Variants in PTPN21 observed in about 807,000 individuals in gnomAD.
PTPN21 encodes tyrosine-protein phosphatase non-receptor type 21.
Under a neutral mutation model 131.8 loss-of-function variants are expected in PTPN21, and 77 were observed. That is an observed-to-expected ratio of 0.58 (90% CI 0.49 to 0.71). PTPN21 has a LOEUF of 0.71. PTPN21 is among the 30% of genes least tolerant of loss of function. The probability of loss-of-function intolerance (pLI) is 0.00; values close to 1 mark genes in which losing one functional copy is unlikely to be tolerated. For synonymous variants in PTPN21, 715 were observed against 621.3 expected (o/e 1.15, Z -2.24); for missense variants, 1,552 against 1,527.1 (o/e 1.02, Z -0.27).
At chr14:88,524,917 A>G (rs923577096) in intron 2 of PTPN21, among the ~76,000 whole-genome samples, 4 of 151,858 alleles carry the variant, frequency 2.6e-5, no homozygotes, top group Admixed American at 2.6e-4. Flanking sequence ...ACACACATAC[A>G]CACGCACAAA....
At position 88,479,274 on chromosome 14, in the gene PTPN21, G is replaced by T. The variant is rs1418605418; in HGVS notation, c.2157C>A (p.Phe719Leu). 1.9e-6 allele frequency: 3 copies of T among 1,612,922 alleles called. No individual in the cohort carries two copies. The highest frequency in any genetic ancestry group is 1.7e-5 in the Admixed American group (1 of 59,972). The change falls in exon 13 of 19, where the codon TTC (phenylalanine) becomes TTA (leucine). Residue 719 changes from phenylalanine to leucine, a missense_variant. Phe to Leu is a conservative substitution (Grantham distance 22, BLOSUM62 0). Around this residue, in one of 4 missense-constraint regions of PTPN21, gnomAD observed 1,016 missense variants for 883.5 expected, o/e 1.15. Coordinates refer to ENST00000556564, the MANE Select transcript of PTPN21 (RefSeq NM_007039.4). ...HSSEEEEDED[F>L]EEESGARAPP... ...GCGCCCGGGCCCCGCTCTCCTCCTC[G>T]AAGTCCTCGTCCTCCTCCTCCTCGC...
intron 2 of PTPN21, among the ~76,000 whole-genome samples, chr14:88,522,427 C>CA (rs1177147324): frequency 0.097 from 3,985 of 41,006 alleles, 228 homozygotes; most frequent in Non-Finnish European, 0.11. Flanking sequence ...AAGACTGTCT[C>CA]AAAAAAAAAA....
chr14:88,471,340 A>G (rs913674313), intron 15 of PTPN21, among the ~76,000 whole-genome samples: 20 of 152,248 alleles, frequency 1.3e-4, no homozygotes, highest in Non-Finnish European at 2.5e-4. Context: ...AAAGGGTACA[A>G]TGAGGAAGAG....
intron 10 of PTPN21, among the ~76,000 whole-genome samples, chr14:88,488,873 A>G (rs1566820487): frequency 6.6e-6 from 1 of 152,188 alleles, no homozygotes; most frequent in Non-Finnish European, 1.5e-5. Context: ...AGTAAAATCA[A>G]TATTATTTAT....
rs2896079 is a variant in PTPN21 at position 88,550,511 on chromosome 14, G to T, written c.-94C>A. On this transcript the variant is annotated 5_prime_UTR_variant, in exon 2 of 19. Coordinates refer to ENST00000556564, the MANE Select transcript of PTPN21 (RefSeq NM_007039.4). ...CGCCAGGAGAAAGCGATCCTCTCCG[G>T]ATGGGACGAACACTGTCCGGCCTCC... 489,483 of 1,236,864 alleles carry T rather than the reference G, an allele frequency of 0.4. 106,352 individuals are homozygous for T. Among genetic ancestry groups the T allele is most frequent in the Middle Eastern group, 0.46 (2,017 of 4,414 alleles). 76.6% of individuals were successfully genotyped at this position (1,236,864 alleles called of 1,614,324 possible).
intron 12 of PTPN21, among the ~76,000 whole-genome samples, chr14:88,483,292 A>T (rs1257428221): frequency 6.6e-6 from 1 of 151,952 alleles, no homozygotes; most frequent in Non-Finnish European, 1.5e-5. Context: ...AATGAACAAT[A>T]TTAAGATGTT....
At chr14:88,473,077 TA>T (rs2077495451) in intron 14 of PTPN21, among the ~76,000 whole-genome samples, 1 of 152,122 alleles carries the variant, frequency 6.6e-6, no homozygotes, top group African/African-American at 2.4e-5. Context: ...GAACAGTAAG[TA>T]AATCTAGGGG....
chr14:88,471,520 G>A (rs1451728760), intron 15 of PTPN21, among the ~76,000 whole-genome samples: 2 of 152,062 alleles, frequency 1.3e-5, no homozygotes, highest in Non-Finnish European at 2.9e-5. Context: ...AGTAAAACTG[G>A]ACCCCCTATC....
intron 2 of PTPN21, among the ~76,000 whole-genome samples, chr14:88,521,262 C>A (rs2078387529): frequency 2.6e-5 from 4 of 152,172 alleles, no homozygotes; most frequent in Admixed American, 2.6e-4. Context: ...TATTTGATTA[C>A]AACAAAATAC....
chr14:88,477,156 C>CT (rs1231641280), intron 13 of PTPN21, among the ~76,000 whole-genome samples: 2 of 151,242 alleles, frequency 1.3e-5, no homozygotes, highest in Admixed American at 1.3e-4. Context: ...TCCCTACACT[C>CT]TTAAATCTGT....
intron 2 of PTPN21, among the ~76,000 whole-genome samples, chr14:88,549,739 C>T (rs1366279911): frequency 4.0e-5 from 6 of 151,874 alleles, no homozygotes; most frequent in African/African-American, 1.5e-4. Context: ...GCTGCGATTA[C>T]AGGCACCCAC....
intron 10 of PTPN21, 99 bp from the exon 11 acceptor site, chr14:88,485,941 CAA>C: frequency 7.1e-6 from 5 of 707,922 alleles, no homozygotes; most frequent in African/African-American, 1.9e-5. Flanking sequence ...TCTTCTCAGG[CAA>C]AAAAAAAGAC....
intron 2 of PTPN21, among the ~76,000 whole-genome samples, chr14:88,549,837 A>C (rs1029884455): frequency 1.3e-5 from 2 of 149,540 alleles, no homozygotes; most frequent in Admixed American, 1.3e-4. Flanking sequence ...ATCTCGGCTC[A>C]CTGCAGCCTC....
rs533892952 is a variant in PTPN21, at chr14:88,472,265, G to A, written c.2850C>T (p.Tyr950=). 5 of 1,610,884 alleles carry A rather than the reference G, an allele frequency of 3.1e-6. No individual in the cohort carries two copies. In the South Asian group the frequency reaches 3.3e-5, roughly 11 times the overall value. ...LVPTKENNTG[Y]INASHIKVSV... The stretch of plus-strand genomic sequence containing the variant: ...TCACCTTAATATGTGATGCGTTGAT[G>A]TAACCAGTGTTGTTTTCTTTAGTTG... The change falls in exon 15 of 19, where the codon TAC becomes TAT. Residue 950 remains tyrosine, a synonymous_variant. Transcript: ENST00000556564.
intron 13 of PTPN21, among the ~76,000 whole-genome samples, chr14:88,477,896 A>G (rs1048566926): frequency 1.3e-5 from 2 of 152,196 alleles, no homozygotes; most frequent in Non-Finnish European, 2.9e-5. Flanking sequence ...AGTTTCAGTG[A>G]AAGACTAGCA....
Position 88,479,546 on chromosome 14 carries a change from GGC to G in PTPN21, c.1883_1884del (p.Arg628ProfsTer70), listed in dbSNP as rs766012177. On this transcript the variant is annotated frameshift_variant, in exon 13 of 19. Coordinates refer to ENST00000556564, the MANE Select transcript of PTPN21 (RefSeq NM_007039.4). LOFTEE classifies it high-confidence loss of function. ...QEVSEPLTAA[R>X]HAQLHKRNSI... is the part of the protein sequence containing the mutation. ...CTGTTCCGTTTGTGCAGCTGCGCGT[GGC>G]GCGCGGCGGTGAGGGGCTCGCTGAC... The G allele has an allele frequency of 6.3e-7, 1 of 1,599,158 alleles. No homozygotes were observed. The highest frequency in any genetic ancestry group is 8.5e-7 in the Non-Finnish European group (1 of 1,178,888).
intron 2 of PTPN21, among the ~76,000 whole-genome samples, chr14:88,517,516 A>G (rs1284315993): frequency 6.6e-6 from 1 of 151,944 alleles, no homozygotes; most frequent in Non-Finnish European, 1.5e-5. Flanking sequence ...GAACCAAAAA[A>G]ATACATTCAC....
intron 8 of PTPN21, among the ~76,000 whole-genome samples, chr14:88,498,576 T>C (rs1277986115): frequency 6.6e-6 from 1 of 152,222 alleles, no homozygotes; most frequent in Non-Finnish European, 1.5e-5. Context: ...ATTAGTGAGT[T>C]ACAGTGCTTC....
At chr14:88,482,001 A>C (rs914256407) in intron 12 of PTPN21, among the ~76,000 whole-genome samples, 2 of 152,262 alleles carry the variant, frequency 1.3e-5, no homozygotes, top group Non-Finnish European at 2.9e-5. Context: ...CGGCAGACTC[A>C]GACAGGGCAG....
Sources: gnomAD v4.1 joint callset for allele counts (sites outside exome capture counted in the v4.1 genomes callset) on GRCh38, gnomAD v4.1.1 for gene constraint, gnomAD v4.1.1 regional missense constraint, MANE v1.5 for transcripts, NCBI Gene and HGNC (gene_info 2026-07-23, HGNC 2026-07-21) for gene names.